The following RAB19 variants were observed in gnomAD, a reference collection of about 807,000 sequenced individuals.
RAB19 encodes the protein RAB19, member RAS oncogene family.
In RAB19, 21 loss-of-function variants were observed where a neutral mutation model predicts 17.3. The observed-to-expected ratio is 1.21, with a 90% CI of 0.86 to 1.74. The LOEUF (loss-of-function observed/expected upper bound fraction) is 1.74. RAB19 is among the 40% of genes most tolerant of loss of function. The probability of loss-of-function intolerance (pLI) is 0.00; values close to 1 mark genes in which losing one functional copy is unlikely to be tolerated. For synonymous variants in RAB19, 126 were observed against 110.4 expected, an observed-to-expected ratio of 1.14 and a Z score of -0.88; for missense variants, 277 against 286.8, an observed-to-expected ratio of 0.97 and a Z score of 0.25.
intron 3 of RAB19, among the ~76,000 whole-genome samples, chr7:140,424,663 GTATA>G (rs36042630): frequency 5.2e-4 from 61 of 117,702 alleles, no homozygotes; most frequent in South Asian, 1.4e-3. Context: ...ATATGTGTGT[GTATA>G]TATATATATA....
Position 140,407,692 on chromosome 7 carries a change from T to C in RAB19, c.46T>C (p.Tyr16His). 1.2e-6 allele frequency: 2 copies of C among 1,614,130 alleles called. No individual in the cohort carries two copies. Among genetic ancestry groups the C allele is most frequent in the Non-Finnish European group, 1.7e-6 (2 of 1,180,034 alleles). Residue 16 changes from tyrosine (Y) to histidine (H), a missense_variant, in exon 2 of 4, where the codon TAT (tyrosine) becomes CAT (histidine). Tyr to His is a moderately conservative substitution (Grantham distance 83, BLOSUM62 2). Coordinates refer to ENST00000537763, the MANE Select transcript of RAB19 (RefSeq NM_001008749.3). ...SARAADENFD[Y>H]LFKIILIGDS... ...CAGGGCAGCAGATGAGAACTTTGAC[T>C]ATTTGTTCAAGATTATCCTCATTGG...
intron 3 of RAB19, among the ~76,000 whole-genome samples, chr7:140,422,431 T>C (rs1007536251): frequency 6.6e-6 from 1 of 151,554 alleles, no homozygotes; most frequent in Non-Finnish European, 1.5e-5. Flanking sequence ...TGGCACCATC[T>C]TTTTGTAGAG....
At chr7:140,415,076 C>A (rs1486109284) in intron 3 of RAB19, among the ~76,000 whole-genome samples, 1 of 149,338 alleles carries the variant, frequency 6.7e-6, no homozygotes, top group Non-Finnish European at 1.5e-5. Flanking sequence ...CTTTTCTTTT[C>A]TTTTCTTTTT....
chr7:140,417,152 C>T (rs1799473766), intron 3 of RAB19, among the ~76,000 whole-genome samples: 1 of 150,104 alleles, frequency 6.7e-6, no homozygotes, highest in Non-Finnish European at 1.5e-5. Flanking sequence ...ACAAGAATCA[C>T]TTGAACCTAG....
At chr7:140,422,227 A>G (rs10228687) in intron 3 of RAB19, among the ~76,000 whole-genome samples, 2,164 of 152,094 alleles carry the variant, frequency 0.014, 57 homozygotes, top group African/African-American at 0.05. Flanking sequence ...TCTCTACTAG[A>G]AAAATACAAA....
chr7:140,416,107 C>T (rs1799453198), intron 3 of RAB19, among the ~76,000 whole-genome samples: 1 of 151,936 alleles, frequency 6.6e-6, no homozygotes, highest in Non-Finnish European at 1.5e-5. Flanking sequence ...CTTTGGGAGG[C>T]CAAGGCGGGC....
At position 140,419,040 on chromosome 7, in the gene RAB19, G is replaced by T. The variant is rs542306523; in HGVS notation, c.386-6842G>T. ...CCCTAAATACTGCAGTTTTGTTTTG[G>T]TGGGTTTTTTGTTTGTTTGTTTTGT... On this transcript the variant is annotated intron_variant, in intron 3 of 3. Coordinates refer to ENST00000537763, the MANE Select transcript of RAB19 (RefSeq NM_001008749.3). 2.0e-5 allele frequency among the ~76,000 whole-genome samples: 3 copies of T among 149,210 alleles called. No individual in the cohort carries two copies. The South Asian group carries it at 6.4e-4, about 32-fold the overall frequency.
At chr7:140,422,870 G>A (rs1799587472) in intron 3 of RAB19, among the ~76,000 whole-genome samples, 1 of 152,156 alleles carries the variant, frequency 6.6e-6, no homozygotes, top group Non-Finnish European at 1.5e-5. Context: ...CACTTTGGGA[G>A]GCCAAGGCGG....
At chr7:140,417,609 C>T (rs1278263096) in intron 3 of RAB19, among the ~76,000 whole-genome samples, 2 of 152,128 alleles carry the variant, frequency 1.3e-5, no homozygotes, top group South Asian at 2.1e-4. Context: ...GCATGCTATA[C>T]GAGCTTCCTG....
At chr7:140,417,071 CAAA>C (rs11422658) in intron 3 of RAB19, among the ~76,000 whole-genome samples, 7 of 136,232 alleles carry the variant, frequency 5.1e-5, no homozygotes, top group East Asian at 2.2e-4. Flanking sequence ...ACTAAAAATA[CAAA>C]AAAAAAAAAA....
At chr7:140,417,271 G>A (rs1470565966) in intron 3 of RAB19, among the ~76,000 whole-genome samples, 5 of 151,564 alleles carry the variant, frequency 3.3e-5, no homozygotes, top group Admixed American at 1.3e-4. Context: ...ACTCAGTGGT[G>A]TACGCCTATA....
intron 3 of RAB19, among the ~76,000 whole-genome samples, chr7:140,420,335 C>T (rs182918182): frequency 5.7e-4 from 85 of 150,322 alleles, no homozygotes; most frequent in African/African-American, 2.1e-3. Flanking sequence ...CCAGGAGAAT[C>T]GCTTGAACCC....
Position 140,426,283 on chromosome 7 carries a change from G to A in RAB19, c.*133G>A. The A allele has an allele frequency of 9.9e-7, 1 of 1,010,300 alleles. No individual in the cohort carries two copies. Among genetic ancestry groups the A allele is most frequent in the Non-Finnish European group, 1.4e-6 (1 of 707,416 alleles). 62.6% of individuals were successfully genotyped at this position (1,010,300 alleles called of 1,614,324 possible). On this transcript the variant is annotated 3_prime_UTR_variant, in exon 4 of 4. Transcript: ENST00000537763. Reference sequence around the variant, plus strand: ...TTGCCGCTCACCCCTAATCCTCCCAGTCTGGATGGGCCACACTTCTCCCTT... The same window carrying A: ...TTGCCGCTCACCCCTAATCCTCCCAATCTGGATGGGCCACACTTCTCCCTT...
chr7:140,421,861 C>T (rs1280495249), intron 3 of RAB19, among the ~76,000 whole-genome samples: 1 of 152,126 alleles, frequency 6.6e-6, no homozygotes, highest in Admixed American at 6.6e-5. Flanking sequence ...ATATTTCAAT[C>T]TATTGATCTT....
intron 3 of RAB19, among the ~76,000 whole-genome samples, chr7:140,420,885 A>T (rs1436827428): frequency 6.6e-6 from 1 of 151,826 alleles, no homozygotes; most frequent in African/African-American, 2.4e-5. Context: ...TGGTTTTCTT[A>T]TTTTTTATTT....
chr7:140,406,568 G>GGCAGAGGTT (rs1799244671), intron 1 of RAB19, among the ~76,000 whole-genome samples: 1 of 151,486 alleles, frequency 6.6e-6, no homozygotes, highest in Non-Finnish European at 1.5e-5. Flanking sequence ...TGAACTGGAA[G>GGCAGAGGTT]GCAGAGGTTG....
intron 1 of RAB19, among the ~76,000 whole-genome samples, chr7:140,406,468 C>T (rs1163554297): frequency 2.0e-5 from 3 of 151,134 alleles, no homozygotes; most frequent in Non-Finnish European, 4.4e-5. Flanking sequence ...GGTGAAACCC[C>T]GTCTCTACTA....
chr7:140,415,992 G>T (rs1367579055), intron 3 of RAB19, among the ~76,000 whole-genome samples: 2 of 151,740 alleles, frequency 1.3e-5, no homozygotes, highest in Non-Finnish European at 2.9e-5. Context: ...GTTGCTTAAG[G>T]CCAGGAGTTC....
chr7:140,418,420 A>C (rs201819096), intron 3 of RAB19, among the ~76,000 whole-genome samples: 6,160 of 118,222 alleles, frequency 0.052, 250 homozygotes, highest in South Asian at 0.11. Flanking sequence ...AAAAAAAAAA[A>C]AATTAGCCGG....
Sources: gnomAD v4.1 joint callset for allele counts (sites outside exome capture counted in the v4.1 genomes callset) on GRCh38, gnomAD v4.1.1 for gene constraint, MANE v1.5 for transcripts, NCBI Gene and HGNC (gene_info 2026-07-23, HGNC 2026-07-21) for gene names.